RHOQ: variants seen among roughly 807,000 people sequenced by gnomAD.
The protein encoded by RHOQ is rho-related GTP-binding protein RhoQ.
In RHOQ, 7 loss-of-function variants were observed where a neutral mutation model predicts 25.8. The observed-to-expected ratio is 0.27, with a 90% CI of 0.15 to 0.51. RHOQ has a LOEUF of 0.51. Among genes scored for constraint, RHOQ ranks in the 20% least tolerant of loss-of-function variants. The pLI is 0.97. For missense variants in RHOQ, 165 were observed against 260.6 expected, an observed-to-expected ratio of 0.63 and a Z score of 2.53; for synonymous variants, 97 against 98.6, an observed-to-expected ratio of 0.98 and a Z score of 0.10.
At position 46,556,011 on chromosome 2, in the gene RHOQ, A is replaced by G. The variant is rs1403590157; in HGVS notation, c.201+12199A>G. On this transcript the variant is annotated intron_variant, in intron 2 of 4. Transcript: ENST00000238738. The surrounding 1 kb of genome is among the most constrained non-coding windows in gnomAD (Gnocchi z 4.9). Reference sequence around the variant, plus strand: ...TTTTTTGAGGCATAATTCAGAGAACACTTTCATCACCCCAGAACGAAACCC... The same window carrying G: ...TTTTTTGAGGCATAATTCAGAGAACGCTTTCATCACCCCAGAACGAAACCC... 6.6e-6 allele frequency among the ~76,000 whole-genome samples: 1 copy of G among 152,044 alleles called. No individual in the cohort carries two copies. Among genetic ancestry groups the G allele is most frequent in the African/African-American group, 2.4e-5 (1 of 41,382 alleles).
At chr2:46,550,787 C>T (rs528303505) in intron 2 of RHOQ, among the ~76,000 whole-genome samples, 3 of 152,280 alleles carry the variant, frequency 2.0e-5, no homozygotes, top group Admixed American at 6.5e-5. Context: ...GCTGAGAGTG[C>T]GGGCCCAGGC....
At chr2:46,545,483 T>C (rs537674305) in intron 2 of RHOQ, among the ~76,000 whole-genome samples, 44 of 152,340 alleles carry the variant, frequency 2.9e-4, no homozygotes, top group Admixed American at 2.4e-3. Flanking sequence ...CTGAGTTTTT[T>C]CCTACATATG....
Position 46,581,106 on chromosome 2 carries a change from A to C in RHOQ, c.*23A>C, listed in dbSNP as rs1572761788. ...TGAGAAACATCTTCAGTGGCCAAGG[A>C]AACTGTCCATTTCTCTCAGAAAGCA... On this transcript the variant is annotated 3_prime_UTR_variant, in exon 5 of 5. Coordinates refer to ENST00000238738, the MANE Select transcript of RHOQ (RefSeq NM_012249.4). 1.2e-6 allele frequency: 1 copy of C among 817,016 alleles called. No individual in the cohort carries two copies. Among genetic ancestry groups the C allele is most frequent in the South Asian group, 2.2e-5 (1 of 45,626 alleles). 50.6% of individuals were successfully genotyped at this position (817,016 alleles called of 1,614,324 possible).
chr2:46,565,138 C>G (rs1668692195), intron 2 of RHOQ, among the ~76,000 whole-genome samples: 1 of 152,092 alleles, frequency 6.6e-6, no homozygotes, highest in Non-Finnish European at 1.5e-5. Context: ...GATTGGACAA[C>G]CCAGATCATG....
At chr2:46,543,399 C>T (rs1187183698) in intron 1 of RHOQ, 7 of 608,052 alleles carry the variant, frequency 1.2e-5, no homozygotes, top group Non-Finnish European at 2.0e-5. Context: ...GCCCCCTACG[C>T]GGCTCCTGCT....
chr2:46,567,894 C>CA (rs1448273858), intron 2 of RHOQ, among the ~76,000 whole-genome samples: 49 of 144,630 alleles, frequency 3.4e-4, no homozygotes, highest in Admixed American at 1.1e-3. Context: ...CCTGTCTCTA[C>CA]AAAAAAAAAA....
At chr2:46,545,156 C>G (rs1182971445) in intron 2 of RHOQ, among the ~76,000 whole-genome samples, 3 of 152,184 alleles carry the variant, frequency 2.0e-5, no homozygotes, top group African/African-American at 7.2e-5. Context: ...CTCAGCTCTC[C>G]TGGGCCCCCA....
Position 46,543,012 on chromosome 2 carries a change from G to T in RHOQ, c.-35G>T, listed in dbSNP as rs893604422. ...AGCCCGGGGCCGGGGCGGGGGCTCC[G>T]GGGGGACCATGCCCGGAGGCCGGCC... On this transcript the variant is annotated 5_prime_UTR_variant, in exon 1 of 5. Coordinates refer to ENST00000238738, the MANE Select transcript of RHOQ (RefSeq NM_012249.4). 2 of 1,499,640 alleles carry T rather than the reference G, an allele frequency of 1.3e-6. No individual in the cohort carries two copies. Among genetic ancestry groups the T allele is most frequent in the Non-Finnish European group, 1.8e-6 (2 of 1,122,296 alleles). The allele number at this position is 1,499,640 out of a possible 1,614,324, so 92.9% of individuals were successfully genotyped here. A position where few individuals can be genotyped will look rare whatever the true frequency, so the allele number is the denominator to read the frequency against.
rs1309446748 is a variant in RHOQ at position 46,580,836 on chromosome 2, AT to A, written c.463-88del. On this transcript the variant is annotated intron_variant, in intron 4 of 4. Coordinates refer to ENST00000238738, the MANE Select transcript of RHOQ (RefSeq NM_012249.4). ...GAATGTATTCTTTTTGCATAGCTGT[AT>A]TTTATAATTTTCTTTATAATGATGT... The A allele has an allele frequency of 4.4e-6, 4 of 916,642 alleles. No homozygotes were observed. The East Asian group carries it at 8.8e-5, about 20-fold the overall frequency. 56.8% of individuals were successfully genotyped at this position (916,642 alleles called of 1,614,324 possible).
In RHOQ at chr2:46,542,526, G is replaced by A. The variant is rs376814749; in HGVS notation, c.-521G>A. Reference sequence around the variant, plus strand: ...CGCCCCTCCGCGCGGCCCTCGCAGGGAGTGGGGCTCGGGTGCGCCGGCAGG... The same window carrying A: ...CGCCCCTCCGCGCGGCCCTCGCAGGAAGTGGGGCTCGGGTGCGCCGGCAGG... On this transcript the variant is annotated 5_prime_UTR_variant, in exon 1 of 5. Transcript: ENST00000238738. 1 of 149,536 alleles carries A rather than the reference G, an allele frequency of 6.7e-6. No individual in the cohort carries two copies. Among genetic ancestry groups the A allele is most frequent in the South Asian group, 2.1e-4 (1 of 4,830 alleles). The allele number at this position is 149,536 out of a possible 1,614,324, so 9.3% of individuals were successfully genotyped here. A position where few individuals can be genotyped will look rare whatever the true frequency, so the allele number is the denominator to read the frequency against.
At chr2:46,578,843 G>A (rs1281220350) in intron 4 of RHOQ, among the ~76,000 whole-genome samples, 1 of 151,974 alleles carries the variant, frequency 6.6e-6, no homozygotes, top group East Asian at 1.9e-4. Flanking sequence ...CACACAAAAT[G>A]ATAAGTATTT....
rs1320671916 is a variant in RHOQ at position 46,556,889 on chromosome 2, A to T, written c.201+13077A>T. 6.6e-6 allele frequency among the ~76,000 whole-genome samples: 1 copy of T among 152,204 alleles called. No individual in the cohort carries two copies. The highest frequency in any genetic ancestry group is 1.5e-5 in the Non-Finnish European group (1 of 68,042). On this transcript the variant is annotated intron_variant, in intron 2 of 4. Coordinates refer to ENST00000238738, the MANE Select transcript of RHOQ (RefSeq NM_012249.4). The surrounding 1 kb of genome is among the most constrained non-coding windows in gnomAD (Gnocchi z 4.9). ...AATTTTATTGGGGCTTTCAAGGACC[A>T]TCAGGTACATGGGTCTGATTTATGT...
rs1231555298 is a variant in RHOQ, at chr2:46,580,921, C to T, written c.463-7C>T. ...TATATATTTGTGATTTTTTTTCTCCCTCCCAGATAGGAGCATGCTGCTATG... is the reference window on the plus strand; with the variant it reads ...TATATATTTGTGATTTTTTTTCTCCTTCCCAGATAGGAGCATGCTGCTATG... On this transcript the variant is annotated splice_polypyrimidine_tract_variant and splice_region_variant and intron_variant, in intron 4 of 4. Coordinates refer to ENST00000238738, the MANE Select transcript of RHOQ (RefSeq NM_012249.4). 6 of 1,479,678 alleles carry T rather than the reference C, an allele frequency of 4.1e-6. No individual in the cohort carries two copies. The highest frequency in any genetic ancestry group is 1.4e-5 in the South Asian group (1 of 69,410). 91.7% of individuals were successfully genotyped at this position (1,479,678 alleles called of 1,614,324 possible). A position where few individuals can be genotyped will look rare whatever the true frequency, so the allele number is the denominator to read the frequency against.
At chr2:46,575,063 T>A (rs1230700584) in intron 2 of RHOQ, among the ~76,000 whole-genome samples, 1 of 152,080 alleles carries the variant, frequency 6.6e-6, no homozygotes, top group African/African-American at 2.4e-5. Flanking sequence ...AAATAGTCTA[T>A]GCAAAAAAGG....
At chr2:46,546,359 A>G (rs1668042851) in intron 2 of RHOQ, among the ~76,000 whole-genome samples, 1 of 150,642 alleles carries the variant, frequency 6.6e-6, no homozygotes, top group South Asian at 2.1e-4. Context: ...TTGTCTTACA[A>G]TAATAACAAT....
chr2:46,572,714 GGTTT>G (rs1373110745), intron 2 of RHOQ: 2 of 442,612 alleles, frequency 4.5e-6, no homozygotes, highest in Non-Finnish European at 9.0e-6. Context: ...AAATATAATG[GGTTT>G]GTTAATTAGG....
chr2:46,563,951 CT>C (rs1322583666), intron 2 of RHOQ, among the ~76,000 whole-genome samples: 1 of 151,968 alleles, frequency 6.6e-6, no homozygotes, highest in African/African-American at 2.4e-5. Context: ...CGCCCAGCCC[CT>C]GTGTGTATTT....
At chr2:46,567,966 C>T (rs892965470) in intron 2 of RHOQ, among the ~76,000 whole-genome samples, 3 of 152,078 alleles carry the variant, frequency 2.0e-5, no homozygotes, top group South Asian at 2.1e-4. Flanking sequence ...ATCAACTACT[C>T]GGGAGGCTGA....
chr2:46,568,847 C>T (rs1170892098), intron 2 of RHOQ: 2 of 152,224 alleles, frequency 1.3e-5, no homozygotes, highest in African/African-American at 4.8e-5. Flanking sequence ...ATACACAGCA[C>T]TCAGCACCTA....
Sources: gnomAD v4.1 joint callset for allele counts (sites outside exome capture counted in the v4.1 genomes callset) on GRCh38, gnomAD v4.1.1 for gene constraint, Gnocchi (gnomAD v3.1) non-coding constraint, MANE v1.5 for transcripts, NCBI Gene and HGNC (gene_info 2026-07-23, HGNC 2026-07-21) for gene names.